ANKS1B: variants seen among roughly 807,000 people sequenced by gnomAD.
ANKS1B encodes the protein ankyrin repeat and sterile alpha motif domain containing 1B, also known as ankyrin repeat and sterile alpha motif domain-containing protein 1B.
In ANKS1B, 36 loss-of-function variants were observed where a neutral mutation model predicts 148.3. That is an observed-to-expected ratio of 0.24 (90% confidence interval 0.19 to 0.32). ANKS1B has a LOEUF of 0.32. Ranked by LOEUF, ANKS1B falls within the 10% of genes least tolerant of loss-of-function variation. The pLI, the probability that ANKS1B is intolerant of heterozygous loss-of-function variation, is 1.00. For synonymous variants in ANKS1B, 542 were observed against 560.8 expected, an observed-to-expected ratio of 0.97 and a Z score of 0.47; for missense variants, 1,157 against 1,542.6, an observed-to-expected ratio of 0.75 and a Z score of 4.19.
intron 1 of ANKS1B, among the ~76,000 whole-genome samples, chr12:99,976,415 A>C (rs1373760291): frequency 6.6e-6 from 1 of 152,226 alleles, no homozygotes; most frequent in Non-Finnish European, 1.5e-5. Flanking sequence ...AACTGGAGCC[A>C]GGGTGAACTT....
At chr12:99,717,739 GT>G (rs1392242937) in intron 8 of ANKS1B, among the ~76,000 whole-genome samples, 2 of 152,020 alleles carry the variant, frequency 1.3e-5, no homozygotes, top group Admixed American at 6.6e-5. Flanking sequence ...ACAGTGGAAG[GT>G]AAGTCCGTCC....
At chr12:99,731,651 T>C (rs1192657891) in intron 8 of ANKS1B, among the ~76,000 whole-genome samples, 2 of 152,136 alleles carry the variant, frequency 1.3e-5, no homozygotes, top group African/African-American at 4.8e-5. Flanking sequence ...TTATACCATA[T>C]GCAAAATAAT....
chr12:99,130,301 A>G, intron 15 of ANKS1B, among the ~76,000 whole-genome samples: 1 of 152,206 alleles, frequency 6.6e-6, no homozygotes, highest in East Asian at 1.9e-4. Flanking sequence ...GGAAGCTGGG[A>G]GAGTAAAATT....
chr12:99,608,071 A>G (rs779128212), intron 9 of ANKS1B, among the ~76,000 whole-genome samples: 8 of 152,076 alleles, frequency 5.3e-5, no homozygotes, highest in Non-Finnish European at 8.8e-5. Context: ...GGTCTCTTAG[A>G]GCTGAGGTAA....
At chr12:99,134,592 TTCTC>T (rs1165458667) in intron 15 of ANKS1B, among the ~76,000 whole-genome samples, 14 of 135,858 alleles carry the variant, frequency 1.0e-4, no homozygotes, top group Non-Finnish European at 1.6e-4. Flanking sequence ...CAATCTCTCT[TTCTC>T]TCTCTGTTTC....
chr12:99,706,429 C>A (rs1184618373), intron 8 of ANKS1B: 1 of 151,930 alleles, frequency 6.6e-6, no homozygotes, highest in Non-Finnish European at 1.5e-5. Context: ...ATATAATTTA[C>A]CTAAATTGAA....
chr12:99,106,474 T>G (rs1452731457), intron 15 of ANKS1B, among the ~76,000 whole-genome samples: 1 of 152,248 alleles, frequency 6.6e-6, no homozygotes, highest in Non-Finnish European at 1.5e-5. Flanking sequence ...AAGATAATGT[T>G]TTAAGAGTGC....
At chr12:99,893,601 C>T (rs887517699) in intron 1 of ANKS1B, among the ~76,000 whole-genome samples, 6 of 151,918 alleles carry the variant, frequency 3.9e-5, no homozygotes, top group Non-Finnish European at 7.4e-5. Flanking sequence ...AAAAGAAAAA[C>T]AATATAAATG....
chr12:98,888,142 G>A (rs1334671111), intron 17 of ANKS1B, among the ~76,000 whole-genome samples: 1 of 152,056 alleles, frequency 6.6e-6, no homozygotes, highest in Non-Finnish European at 1.5e-5. Context: ...TATTTATTGT[G>A]ATCATATAAC....
At chr12:99,051,234 T>A (rs1255529006) in intron 17 of ANKS1B, among the ~76,000 whole-genome samples, 1 of 152,202 alleles carries the variant, frequency 6.6e-6, no homozygotes, top group Non-Finnish European at 1.5e-5. Flanking sequence ...CTTTGGATTT[T>A]GAGAGACATA....
At chr12:99,102,324 C>A (rs985887834) in intron 15 of ANKS1B, among the ~76,000 whole-genome samples, 2 of 152,120 alleles carry the variant, frequency 1.3e-5, no homozygotes, top group Admixed American at 1.3e-4. Flanking sequence ...TGAATGTAGA[C>A]GATTGTTTTG....
At chr12:99,679,386 G>A (rs573808487) in intron 8 of ANKS1B, among the ~76,000 whole-genome samples, 4 of 152,250 alleles carry the variant, frequency 2.6e-5, no homozygotes, top group African/African-American at 7.2e-5. Flanking sequence ...TCGACTCACT[G>A]CAACCTCCAC....
chr12:99,035,016 T>C (rs905994419), intron 17 of ANKS1B, among the ~76,000 whole-genome samples: 1 of 152,156 alleles, frequency 6.6e-6, no homozygotes, highest in East Asian at 1.9e-4. Context: ...GCTGAGATGA[T>C]GTGGAAGGTG....
At chr12:98,921,978 A>T (rs1017344605) in intron 17 of ANKS1B, among the ~76,000 whole-genome samples, 1 of 152,180 alleles carries the variant, frequency 6.6e-6, no homozygotes, top group African/African-American at 2.4e-5. Flanking sequence ...CCTCAAACAA[A>T]TGTGAGGGCG....
intron 14 of ANKS1B, among the ~76,000 whole-genome samples, chr12:99,219,115 A>T (rs867492399): frequency 6.6e-6 from 1 of 152,210 alleles, no homozygotes; most frequent in South Asian, 2.1e-4. Context: ...AGTCTAGATG[A>T]GTCACCAATG....
chr12:99,273,875 G>A (rs1020031182), intron 12 of ANKS1B, among the ~76,000 whole-genome samples: 16 of 152,000 alleles, frequency 1.1e-4, no homozygotes, highest in Non-Finnish European at 1.0e-4. Context: ...GTAAGCCACG[G>A]CACCCGGCCT....
chr12:99,671,926 A>G (rs2098540073), intron 8 of ANKS1B, among the ~76,000 whole-genome samples: 1 of 152,002 alleles, frequency 6.6e-6, no homozygotes. Context: ...TTTCTCCCCC[A>G]CCCCAAATAA....
intron 17 of ANKS1B, among the ~76,000 whole-genome samples, chr12:99,005,510 G>A (rs961288587): frequency 2.2e-4 from 34 of 152,146 alleles, no homozygotes; most frequent in Admixed American, 3.3e-4. Context: ...AGATGGCCAC[G>A]TTTCTGAACA....
At chr12:98,837,511 G>C (rs998142647) in intron 17 of ANKS1B, among the ~76,000 whole-genome samples, 3 of 152,112 alleles carry the variant, frequency 2.0e-5, no homozygotes, top group African/African-American at 7.2e-5. Flanking sequence ...CCGCCTCCAG[G>C]AATTTTCTCC....
Sources: gnomAD v4.1 joint callset for allele counts (sites outside exome capture counted in the v4.1 genomes callset) on GRCh38, gnomAD v4.1.1 for gene constraint, MANE v1.5 for transcripts, NCBI Gene and HGNC (gene_info 2026-07-23, HGNC 2026-07-21) for gene names.